ARID2: variants seen among roughly 807,000 people sequenced by gnomAD.
The protein encoded by ARID2 is AT-rich interaction domain 2.
In ARID2, 32 loss-of-function variants were observed where a neutral mutation model predicts 184.6. The ratio of observed to expected loss-of-function variants is 0.17; its 90% confidence interval spans 0.13 to 0.23. The LOEUF (loss-of-function observed/expected upper bound fraction) is 0.23. ARID2 is among the 10% of genes least tolerant of loss of function. The pLI is 1.00. For synonymous variants in ARID2, 836 were observed against 772.6 expected (o/e 1.08, Z -1.36); for missense variants, 1,696 against 2,197.6 (o/e 0.77, Z 4.56).
At position 45,893,524 on chromosome 12, in the gene ARID2, T is replaced by C. The variant is rs1944331054; in HGVS notation, c.5252T>C (p.Leu1751Pro). 2 of 1,613,642 alleles carry C rather than the reference T, an allele frequency of 1.2e-6. No homozygotes were observed. The highest frequency in any genetic ancestry group is 1.7e-6 in the Non-Finnish European group (2 of 1,179,770). The stretch of plus-strand genomic sequence containing the variant: ...GCTCTGAGGAGAGGATCAAGAAACC[T>C]TGTCTTTCGAGATTTTACAGTAAGC... Reference protein sequence around the residue: ...LMALRRGSRNLVFRDFTDEKE... With the variant: ...LMALRRGSRNPVFRDFTDEKE... Residue 1751 changes from leucine (L) to proline (P), a missense_variant, in exon 19 of 21, where the codon CTT becomes CCT. By Grantham distance (98) the Leu-to-Pro change is moderately conservative. Around this residue, in one of 11 missense-constraint regions of ARID2, gnomAD observed 69 missense variants for 118.2 expected, o/e 0.58. Transcript: ENST00000334344.
At chr12:45,855,497 C>T in intron 15 of ARID2, among the ~76,000 whole-genome samples, 1 of 152,078 alleles carries the variant, frequency 6.6e-6, no homozygotes, top group Middle Eastern at 3.2e-3. Context: ...TAGCCCAGTG[C>T]CTGCTACATA....
intron 3 of ARID2, among the ~76,000 whole-genome samples, chr12:45,747,777 T>A (rs1296168419): frequency 6.6e-6 from 1 of 152,186 alleles, no homozygotes; most frequent in African/African-American, 2.4e-5. Flanking sequence ...AAATGTGTCA[T>A]TTTGTGCAAT....
At chr12:45,747,806 T>C (rs1334849715) in intron 3 of ARID2, among the ~76,000 whole-genome samples, 2 of 152,190 alleles carry the variant, frequency 1.3e-5, no homozygotes, top group East Asian at 1.9e-4. Flanking sequence ...GTACTTGAAG[T>C]TGTTTTTAAG....
At chr12:45,767,028 GA>G (rs1432578156) in intron 3 of ARID2, among the ~76,000 whole-genome samples, 6 of 152,118 alleles carry the variant, frequency 3.9e-5, no homozygotes, top group African/African-American at 9.7e-5. Context: ...AGCAATGTTT[GA>G]AAGTTCTGGT....
chr12:45,761,055 A>C (rs1053286672), intron 3 of ARID2, among the ~76,000 whole-genome samples: 1 of 152,096 alleles, frequency 6.6e-6, no homozygotes, highest in Non-Finnish European at 1.5e-5. Flanking sequence ...TTAAACTGAG[A>C]ATATGTCTTC....
At chr12:45,741,743 C>T (rs1037378512) in intron 3 of ARID2, among the ~76,000 whole-genome samples, 1 of 152,114 alleles carries the variant, frequency 6.6e-6, no homozygotes, top group Non-Finnish European at 1.5e-5. Flanking sequence ...CTACCCAGCT[C>T]TAGAATCATC....
chr12:45,828,095 G>A (rs975495203), intron 6 of ARID2, among the ~76,000 whole-genome samples: 2 of 151,934 alleles, frequency 1.3e-5, no homozygotes, highest in African/African-American at 4.8e-5. Flanking sequence ...TTTATAAAGT[G>A]AATACACTCA....
chr12:45,794,989 C>T (rs946208201), intron 3 of ARID2, among the ~76,000 whole-genome samples: 4 of 151,964 alleles, frequency 2.6e-5, no homozygotes, highest in African/African-American at 4.8e-5. Flanking sequence ...CCATTTCACT[C>T]TAAAACATAC....
intron 20 of ARID2, among the ~76,000 whole-genome samples, chr12:45,904,064 A>G (rs1944491278): frequency 6.6e-6 from 1 of 152,108 alleles, no homozygotes; most frequent in East Asian, 1.9e-4. Context: ...TAGCTAGATG[A>G]TGCTCACTTT....
chr12:45,907,681 A>G lies in ARID2; in HGVS notation c.*2603A>G, dbSNP rs574262491. The G allele has an allele frequency of 1.2e-4, 29 of 233,250 alleles. No homozygotes were observed. In the South Asian group the frequency reaches 2.0e-3, roughly 16 times the overall value. 14.4% of individuals were successfully genotyped at this position (233,250 alleles called of 1,614,324 possible). A position where few individuals can be genotyped will look rare whatever the true frequency, so the allele number is the denominator to read the frequency against. ...TTCATGAAAAGGTGCTCCTTGCTAG[A>G]CAGAAACTTGCTGATTTACAGTATT... On this transcript the variant is annotated 3_prime_UTR_variant, in exon 21 of 21. Transcript: ENST00000334344.
intron 3 of ARID2, among the ~76,000 whole-genome samples, chr12:45,807,379 G>T (rs1427257860): frequency 6.6e-6 from 1 of 152,000 alleles, no homozygotes; most frequent in African/African-American, 2.4e-5. Flanking sequence ...ATTGGTAGTG[G>T]TGGTGGTTAT....
chr12:45,790,849 T>C (rs1942279510), intron 3 of ARID2, among the ~76,000 whole-genome samples: 1 of 152,212 alleles, frequency 6.6e-6, no homozygotes. Context: ...TATGATTTTT[T>C]TTAATAATTC....
intron 20 of ARID2, among the ~76,000 whole-genome samples, chr12:45,898,716 G>GA (rs751464876): frequency 1.3e-4 from 20 of 151,988 alleles, no homozygotes; most frequent in Non-Finnish European, 5.9e-5. Flanking sequence ...AGGAGTTTGA[G>GA]ACCAGCCTGG....
intron 11 of ARID2, among the ~76,000 whole-genome samples, chr12:45,843,224 A>T (rs890369612): frequency 6.7e-6 from 1 of 150,044 alleles, no homozygotes; most frequent in African/African-American, 2.5e-5. Flanking sequence ...TGTTTTACTT[A>T]GGTATCTTGT....
chr12:45,783,447 A>T (rs989389183), intron 3 of ARID2, among the ~76,000 whole-genome samples: 53 of 152,240 alleles, frequency 3.5e-4, no homozygotes. Context: ...CAGAAAACAA[A>T]CATTATGCTC....
chr12:45,839,471 C>T lies in ARID2; in HGVS notation c.1473C>T (p.Thr491=), dbSNP rs2138137561. ...IRPQAIEQVQ[T]QTHVASAPAS... ...CACAAGCTATAGAGCAAGTCCAAAC[C>T]CAGACTCATGTAGCATCTGCCCCAG... is the stretch of plus-strand genomic sequence containing the variant. Residue 491 remains threonine, a synonymous_variant, in exon 11 of 21, where the codon ACC becomes ACT. Transcript: ENST00000334344. 1 of 1,613,520 alleles carries T rather than the reference C, an allele frequency of 6.2e-7. No homozygotes were observed. The highest frequency in any genetic ancestry group is 8.5e-7 in the Non-Finnish European group (1 of 1,179,794).
chr12:45,898,526 T>C (rs1944400390), intron 20 of ARID2, among the ~76,000 whole-genome samples: 1 of 152,176 alleles, frequency 6.6e-6, no homozygotes, highest in East Asian at 1.9e-4. Context: ...CTAATGGGTA[T>C]TGGGTTTCTT....
At chr12:45,782,622 ACT>A (rs574996804) in intron 3 of ARID2, among the ~76,000 whole-genome samples, 503 of 151,858 alleles carry the variant, frequency 3.3e-3, no homozygotes, top group African/African-American at 0.012. Flanking sequence ...ACAGAGCGAG[ACT>A]CTGTCTCAAA....
chr12:45,731,328 A>T lies in ARID2; in HGVS notation c.284+14A>T, dbSNP rs1565574682. The T allele has an allele frequency of 6.3e-7, 1 of 1,585,436 alleles. No individual in the cohort carries two copies. The highest frequency in any genetic ancestry group is 1.7e-5 in the Admixed American group (1 of 59,956). On this transcript the variant is annotated intron_variant, in intron 3 of 20. Transcript: ENST00000334344. The stretch of plus-strand genomic sequence containing the variant: ...GTATTACTTGCGGTGAGTAGTAGTG[A>T]CTTTTCCATAGTATTTGGAAATAAG...
Sources: gnomAD v4.1 joint callset for allele counts (sites outside exome capture counted in the v4.1 genomes callset) on GRCh38, gnomAD v4.1.1 for gene constraint, gnomAD v4.1.1 regional missense constraint, MANE v1.5 for transcripts, NCBI Gene and HGNC (gene_info 2026-07-23, HGNC 2026-07-21) for gene names.